PDE3B: variants seen among roughly 807,000 people sequenced by gnomAD.
PDE3B encodes cGMP-inhibited 3',5'-cyclic phosphodiesterase 3B.
A neutral mutation model predicts 116.8 loss-of-function variants in PDE3B; 66 were observed. The ratio of observed to expected loss-of-function variants is 0.56; its 90% confidence interval spans 0.46 to 0.69. The LOEUF (loss-of-function observed/expected upper bound fraction) is 0.69. Among genes scored for constraint, PDE3B ranks in the 30% least tolerant of loss-of-function variants. The probability of loss-of-function intolerance (pLI) is 0.00; values close to 1 mark genes in which losing one functional copy is unlikely to be tolerated. For missense variants in PDE3B, 1,384 were observed against 1,368.1 expected, an observed-to-expected ratio of 1.01 and a Z score of -0.18; for synonymous variants, 595 against 533.6, an observed-to-expected ratio of 1.12 and a Z score of -1.59.
In PDE3B at chr11:14,787,809, A is replaced by C. The variant is rs1345553887; in HGVS notation, c.1278+1124A>C. 2.6e-5 allele frequency among the ~76,000 whole-genome samples: 4 copies of C among 151,936 alleles called. No homozygotes were observed. The East Asian group carries it at 7.7e-4, about 29-fold the overall frequency. On this transcript the variant is annotated intron_variant, in intron 3 of 15. Transcript: ENST00000282096. Reference sequence around the variant, plus strand: ...ATAAACCATAAATAAAATAACTCTAATGTATTCTTGAGTTAGTTTTCACTC... The same window carrying C: ...ATAAACCATAAATAAAATAACTCTACTGTATTCTTGAGTTAGTTTTCACTC...
intron 1 of PDE3B, among the ~76,000 whole-genome samples, chr11:14,664,054 A>T (rs1353272643): frequency 6.6e-6 from 1 of 152,244 alleles, no homozygotes; most frequent in Non-Finnish European, 1.5e-5. Flanking sequence ...AGCAGAAATT[A>T]TAACAAGCTG....
chr11:14,646,320 G>A (rs1016284095), intron 1 of PDE3B, among the ~76,000 whole-genome samples: 2 of 152,064 alleles, frequency 1.3e-5, no homozygotes, highest in East Asian at 1.9e-4. Context: ...GTTTTATGAC[G>A]TGTTGAACAC....
intron 4 of PDE3B, among the ~76,000 whole-genome samples, chr11:14,796,147 T>C (rs1858544565): frequency 6.6e-6 from 1 of 152,202 alleles, no homozygotes; most frequent in Non-Finnish European, 1.5e-5. Flanking sequence ...GTTCTTGTGA[T>C]AGTTTGCTGA....
chr11:14,649,800 G>A (rs1853516276), intron 1 of PDE3B, among the ~76,000 whole-genome samples: 1 of 152,202 alleles, frequency 6.6e-6, no homozygotes, highest in Non-Finnish European at 1.5e-5. Flanking sequence ...GGGTCAAAAG[G>A]AGAGTAGGAA....
At chr11:14,885,889 G>C in the PDE3B span, 5 of 1,613,500 alleles carry the variant, frequency 3.1e-6, no homozygotes, top group Non-Finnish European at 3.4e-6. Flanking sequence ...AACCACAGTT[G>C]ATATGCCTCC....
intron 1 of PDE3B, among the ~76,000 whole-genome samples, chr11:14,688,622 T>C (rs1029348004): frequency 6.6e-6 from 1 of 152,220 alleles, no homozygotes; most frequent in Non-Finnish European, 1.5e-5. Flanking sequence ...CAGAAGTATT[T>C]TATTTGTTCA....
chr11:14,840,988 G>A (rs1860204086), intron 11 of PDE3B, among the ~76,000 whole-genome samples: 1 of 152,086 alleles, frequency 6.6e-6, no homozygotes, highest in Non-Finnish European at 1.5e-5. Context: ...TGTCAGCTTG[G>A]CTGGGCAGTA....
chr11:14,793,597 T>C (rs1314480660), intron 4 of PDE3B, among the ~76,000 whole-genome samples: 1 of 152,144 alleles, frequency 6.6e-6, no homozygotes, highest in East Asian at 1.9e-4. Flanking sequence ...CCCAGCCTTC[T>C]CTGAGGTCAA....
chr11:14,892,393 C>G, the PDE3B span: 1 of 626,434 alleles, frequency 1.6e-6, no homozygotes, highest in Non-Finnish European at 2.8e-6. Flanking sequence ...TGAGAGTGGA[C>G]TTTGCGGAGC....
At position 14,771,083 on chromosome 11, in the gene PDE3B, A is replaced by G. The variant is rs1453231756; in HGVS notation, c.979-854A>G. Among the ~76,000 whole-genome samples, 4 of 151,686 alleles carry G rather than the reference A, an allele frequency of 2.6e-5. No individual in the cohort carries two copies. In the South Asian group the frequency reaches 6.2e-4, roughly 24 times the overall value. On this transcript the variant is annotated intron_variant, in intron 1 of 15. Coordinates refer to ENST00000282096, the MANE Select transcript of PDE3B (RefSeq NM_000922.4). ...GCCTGAAGGACAAAAAACAACACAA[A>G]TAGTTCAATATATAGAAATTATGAG...
intron 4 of PDE3B, among the ~76,000 whole-genome samples, chr11:14,790,093 C>A (rs1016742434): frequency 4.6e-5 from 7 of 151,934 alleles, no homozygotes; most frequent in Non-Finnish European, 1.0e-4. Context: ...AGGATTGGAT[C>A]ATAGCTATTT....
intron 1 of PDE3B, among the ~76,000 whole-genome samples, chr11:14,691,671 AT>A (rs1855044734): frequency 6.6e-6 from 1 of 152,292 alleles, no homozygotes; most frequent in Middle Eastern, 3.4e-3. Flanking sequence ...CCTTCATGGA[AT>A]TTACATTTTA....
At chr11:14,818,972 G>C (rs571617355) in intron 6 of PDE3B, among the ~76,000 whole-genome samples, 164 bp from the exon 7 acceptor site, 1 of 152,300 alleles carries the variant, frequency 6.6e-6, no homozygotes, top group East Asian at 1.9e-4. Context: ...AGGACACACA[G>C]ATACTTTCTA....
intron 1 of PDE3B, among the ~76,000 whole-genome samples, chr11:14,708,783 TATAG>T (rs1855609576): frequency 6.6e-6 from 1 of 151,750 alleles, no homozygotes; most frequent in Admixed American, 6.6e-5. Flanking sequence ...TATATATATA[TATAG>T]AGAGAGAGAA....
intron 1 of PDE3B, among the ~76,000 whole-genome samples, chr11:14,690,965 A>G (rs1352981538): frequency 6.6e-6 from 1 of 152,162 alleles, no homozygotes; most frequent in Non-Finnish European, 1.5e-5. Flanking sequence ...GGACATCTAA[A>G]TACGTTAAAG....
rs534967735 is a variant in PDE3B at position 14,644,305 on chromosome 11, G to T, written c.230G>T (p.Arg77Leu). The T allele has an allele frequency of 3.5e-5, 55 of 1,564,388 alleles. No individual in the cohort carries two copies. The East Asian group carries it at 5.0e-4, about 14-fold the overall frequency. ...CCGCGGCGCTGCTCCCCCTTCTGCC[G>T]GGCGCGCCTCTCGCTGGGCGCCCTG... The part of the protein sequence containing the change: ...QQPRRCSPFC[R>L]ARLSLGALAA... The change falls in exon 1 of 16, where the codon CGG becomes CTG. Residue 77 changes from arginine (R) to leucine (L), a missense_variant. By Grantham distance (102) the Arg-to-Leu change is moderately radical (BLOSUM62 -2). Transcript: ENST00000282096.
chr11:14,830,627 A>G lies in PDE3B; in HGVS notation c.1808-71A>G, dbSNP rs541919919. 8 of 610,146 alleles carry G rather than the reference A, an allele frequency of 1.3e-5. No homozygotes were observed. In the East Asian group the frequency reaches 2.8e-4, roughly 21 times the overall value. 37.8% of individuals were successfully genotyped at this position (610,146 alleles called of 1,614,324 possible). A position where few individuals can be genotyped will look rare whatever the true frequency, so the allele number is the denominator to read the frequency against. On this transcript the variant is annotated intron_variant, in intron 7 of 15. Coordinates refer to ENST00000282096, the MANE Select transcript of PDE3B (RefSeq NM_000922.4). ...TTTTATCTAAATATTTTTAACAATT[A>G]TTTTTCATGTAAAGCTGTACATATA...
intron 1 of PDE3B, among the ~76,000 whole-genome samples, chr11:14,677,758 T>A (rs183804591): frequency 6.3e-4 from 96 of 152,356 alleles, no homozygotes; most frequent in African/African-American, 2.2e-3. Context: ...TGTAGTTTTA[T>A]CTTCTTGATG....
At chr11:14,809,227 C>T (rs540585268) in intron 5 of PDE3B, among the ~76,000 whole-genome samples, 1 of 152,290 alleles carries the variant, frequency 6.6e-6, no homozygotes, top group Admixed American at 6.5e-5. Context: ...AGAAATTCTA[C>T]TTCTTGATAT....
Sources: gnomAD v4.1 joint callset for allele counts (sites outside exome capture counted in the v4.1 genomes callset) on GRCh38, gnomAD v4.1.1 for gene constraint, MANE v1.5 for transcripts, NCBI Gene and HGNC (gene_info 2026-07-23, HGNC 2026-07-21) for gene names.